The following MS4A4E variants were observed in gnomAD, a reference collection of about 807,000 sequenced individuals.
The protein encoded by MS4A4E is membrane spanning 4-domains A4E, also known as putative membrane-spanning 4-domains subfamily A member 4E.
Under a neutral mutation model 13.3 loss-of-function variants are expected in MS4A4E, and 23 were observed. The ratio of observed to expected loss-of-function variants is 1.73; its 90% CI spans 1.25 to 2.45. The LOEUF (loss-of-function observed/expected upper bound fraction) is 2.45, where lower values mean the gene tolerates loss of function less well. MS4A4E is among the 30% of genes most tolerant of loss of function. MS4A4E has a pLI of 0.00. For missense variants in MS4A4E, 144 were observed against 131.2 expected (o/e 1.10, Z -0.48); for synonymous variants, 36 against 45.6 (o/e 0.79, Z 0.85).
intron 5 of MS4A4E, among the ~76,000 whole-genome samples, chr11:60,210,073 T>G (rs898254629): frequency 1.3e-5 from 2 of 152,262 alleles, no homozygotes; most frequent in Non-Finnish European, 2.9e-5. Context: ...CCAGATAATG[T>G]ACATTTTAGG....
intron 3 of MS4A4E, among the ~76,000 whole-genome samples, chr11:60,214,997 T>A (rs11603507): frequency 0.32 from 49,197 of 151,970 alleles, 9,053 homozygotes; most frequent in South Asian, 0.51. Flanking sequence ...TTTAAAAAGT[T>A]ATAAAATAAA....
At chr11:60,232,554 A>C (rs2134966010) in intron 1 of MS4A4E, among the ~76,000 whole-genome samples, 1 of 152,252 alleles carries the variant, frequency 6.6e-6, no homozygotes, top group Admixed American at 6.5e-5. Context: ...AGCAGCTCCC[A>C]TCACCACCAT....
intron 1 of MS4A4E, among the ~76,000 whole-genome samples, chr11:60,242,269 C>A (rs1342277773): frequency 6.6e-6 from 1 of 152,202 alleles, no homozygotes; most frequent in Non-Finnish European, 1.5e-5. Context: ...TTCTGGATTT[C>A]ATTTACTTCA....
intron 1 of MS4A4E, among the ~76,000 whole-genome samples, chr11:60,237,437 GA>G (rs2084497249): frequency 6.6e-6 from 1 of 152,166 alleles, no homozygotes; most frequent in Non-Finnish European, 1.5e-5. Context: ...AAAATAGAAT[GA>G]TTTCTATTCC....
chr11:60,213,679 A>T (rs1050740566), intron 4 of MS4A4E, among the ~76,000 whole-genome samples: 19 of 152,124 alleles, frequency 1.2e-4, no homozygotes, highest in Non-Finnish European at 2.2e-4. Context: ...ACCGATATTG[A>T]TCATGCTCCA....
intron 3 of MS4A4E, among the ~76,000 whole-genome samples, chr11:60,221,625 T>C (rs1363049263): frequency 2.0e-5 from 3 of 152,184 alleles, no homozygotes; most frequent in Non-Finnish European, 2.9e-5. Flanking sequence ...CTGCACCTCA[T>C]TGTGCACTTT....
At chr11:60,204,980 G>A (rs1379411656) in intron 7 of MS4A4E, among the ~76,000 whole-genome samples, 22 bp from the exon 8 acceptor site, 1 of 152,166 alleles carries the variant, frequency 6.6e-6, no homozygotes, top group Non-Finnish European at 1.5e-5. Context: ...AGACAGGTTA[G>A]CATTGAAAGA....
In MS4A4E at chr11:60,213,150, T is replaced by C. The variant is rs1187335833; in HGVS notation, c.223-18A>G. On this transcript the variant is annotated intron_variant, in intron 4 of 8. Coordinates refer to ENST00000651255, the MANE Select transcript of MS4A4E (RefSeq NM_001393391.1). ...CCTCCAACCTAGAAAGAAATGAAAA[T>C]TAATTAAGCAATCCAACATCATCCT... The C allele has an allele frequency of 3.7e-6, 3 of 806,384 alleles. No homozygotes were observed. In the African/African-American group the frequency reaches 5.2e-5, roughly 14 times the overall value. The allele number at this position is 806,384 out of a possible 1,614,324, so 50.0% of individuals were successfully genotyped here.
At chr11:60,222,736 T>C (rs1204399558) in intron 3 of MS4A4E, among the ~76,000 whole-genome samples, 1 of 152,126 alleles carries the variant, frequency 6.6e-6, no homozygotes, top group Non-Finnish European at 1.5e-5. Flanking sequence ...ACAACAATGA[T>C]TTCATTAAGC....
At chr11:60,210,471 G>C (rs757001441) in intron 5 of MS4A4E, among the ~76,000 whole-genome samples, 1 of 152,166 alleles carries the variant, frequency 6.6e-6, no homozygotes. Flanking sequence ...ATCTTAGCTT[G>C]AGCTATACGA....
chr11:60,224,994 C>G (rs1304524824), intron 3 of MS4A4E: 3 of 1,537,332 alleles, frequency 2.0e-6, no homozygotes, highest in Non-Finnish European at 2.6e-6. Context: ...GTGTACGCAA[C>G]ATACACAAAA....
intron 3 of MS4A4E, chr11:60,224,922 C>T (rs1487576813): frequency 2.1e-6 from 3 of 1,432,374 alleles, no homozygotes; most frequent in South Asian, 1.5e-5. Context: ...ATTTACACCT[C>T]TATTATGTTA....
At chr11:60,229,394 C>A (rs2084379876) in intron 2 of MS4A4E, among the ~76,000 whole-genome samples, 1 of 152,138 alleles carries the variant, frequency 6.6e-6, no homozygotes, top group Non-Finnish European at 1.5e-5. Flanking sequence ...TAGTGATAAA[C>A]CTATATTTAA....
chr11:60,234,490 A>G (rs749785004), intron 1 of MS4A4E, among the ~76,000 whole-genome samples: 21 of 152,148 alleles, frequency 1.4e-4, no homozygotes, highest in Non-Finnish European at 2.8e-4. Context: ...TTATCATGGG[A>G]GAGGGTAAGC....
intron 1 of MS4A4E, among the ~76,000 whole-genome samples, chr11:60,230,691 A>C (rs2084398007): frequency 6.6e-6 from 1 of 152,232 alleles, no homozygotes; most frequent in African/African-American, 2.4e-5. Flanking sequence ...GTGCATAGCA[A>C]GAATACATAA....
chr11:60,226,270 C>T (rs2084341046), intron 3 of MS4A4E, among the ~76,000 whole-genome samples: 2 of 151,568 alleles, frequency 1.3e-5, no homozygotes, highest in South Asian at 4.2e-4. Flanking sequence ...GGAAATACTC[C>T]CTAACTCATT....
intron 1 of MS4A4E, among the ~76,000 whole-genome samples, chr11:60,234,060 T>A (rs2084449157): frequency 6.6e-6 from 1 of 152,218 alleles, no homozygotes; most frequent in Non-Finnish European, 1.5e-5. Flanking sequence ...AGTTATGCCT[T>A]TTTCTTGCCT....
At chr11:60,227,278 G>C (rs1025924849) in intron 3 of MS4A4E, among the ~76,000 whole-genome samples, 1 of 152,134 alleles carries the variant, frequency 6.6e-6, no homozygotes, top group Non-Finnish European at 1.5e-5. Flanking sequence ...ATGGCCGGGC[G>C]TGGTGGCTCA....
At chr11:60,208,821 C>T (rs1565117911) in intron 5 of MS4A4E, 127 bp from the exon 6 acceptor site, 3 of 413,398 alleles carry the variant, frequency 7.3e-6, no homozygotes, top group Non-Finnish European at 1.3e-5. Flanking sequence ...CTCCCAATGG[C>T]AGCCATACCC....
Sources: allele counts gnomAD v4.1 joint callset (sites outside exome capture counted in the v4.1 genomes callset), GRCh38; gene constraint gnomAD v4.1.1; transcripts MANE v1.5; gene names NCBI Gene and HGNC (gene_info 2026-07-23, HGNC 2026-07-21).